MACROD2: variants seen among roughly 807,000 people sequenced by gnomAD.
The protein encoded by MACROD2 is mono-ADP ribosylhydrolase 2.
Under a neutral mutation model 70.4 loss-of-function variants are expected in MACROD2, and 36 were observed. That is an observed-to-expected ratio of 0.51 (90% confidence interval 0.39 to 0.68). MACROD2 has a LOEUF of 0.68. MACROD2 is among the 30% of genes least tolerant of loss of function. The pLI is 0.00. For missense variants in MACROD2, 496 were observed against 538.4 expected (o/e 0.92, Z 0.78); for synonymous variants, 172 against 178.8 (o/e 0.96, Z 0.30).
At position 15,772,051 on chromosome 20, in the gene MACROD2, C is replaced by G. The variant is rs541919860; in HGVS notation, c.646-90694C>G. Among the ~76,000 whole-genome samples, 5 of 140,784 alleles carry G rather than the reference C, an allele frequency of 3.6e-5. No individual in the cohort carries two copies. In the South Asian group the frequency reaches 9.2e-4, roughly 26 times the overall value. The allele number at this position is 140,784 out of a possible 152,430, so 92.4% of individuals were successfully genotyped here. On this transcript the variant is annotated intron_variant, in intron 8 of 17. Transcript: ENST00000684519. ...AGTGAGCCGAGATCGCGCCACTGCA[C>G]TCCAGCCTGAGCGACAAAGTGAGAC...
intron 5 of MACROD2, among the ~76,000 whole-genome samples, chr20:14,817,234 A>C (rs1329660668): frequency 1.3e-5 from 2 of 152,036 alleles, no homozygotes; most frequent in Non-Finnish European, 2.9e-5. Flanking sequence ...TTGAAACTGC[A>C]CTCTTTTTTG....
intron 7 of MACROD2, among the ~76,000 whole-genome samples, chr20:15,466,085 T>C (rs2046883957): frequency 6.6e-6 from 1 of 152,206 alleles, no homozygotes; most frequent in Non-Finnish European, 1.5e-5. Context: ...AAGGACATTA[T>C]GGAGTGAGGG....
intron 5 of MACROD2, among the ~76,000 whole-genome samples, chr20:15,212,175 C>T (rs2076769879): frequency 6.6e-6 from 1 of 152,112 alleles, no homozygotes; most frequent in Non-Finnish European, 1.5e-5. Context: ...TTTCTCAAAC[C>T]CTTCTTTGAC....
intron 8 of MACROD2, among the ~76,000 whole-genome samples, chr20:15,791,902 A>T (rs562457983): frequency 1.3e-5 from 2 of 152,198 alleles, no homozygotes; most frequent in South Asian, 4.1e-4. Context: ...ATCCAAATTT[A>T]TTTTTGTACT....
intron 8 of MACROD2, among the ~76,000 whole-genome samples, chr20:15,858,888 C>T (rs574311422): frequency 3.3e-5 from 5 of 152,272 alleles, no homozygotes; most frequent in African/African-American, 1.2e-4. Context: ...GGTGGAATTA[C>T]AGTTGACCCT....
At chr20:16,014,441 T>C (rs2147534577) in intron 15 of MACROD2, among the ~76,000 whole-genome samples, 1 of 152,344 alleles carries the variant, frequency 6.6e-6, no homozygotes, top group East Asian at 1.9e-4. Flanking sequence ...CTCCCAAGAT[T>C]GGAAGACCCA....
chr20:15,636,969 C>A (rs182967727), intron 8 of MACROD2, among the ~76,000 whole-genome samples: 8 of 152,284 alleles, frequency 5.3e-5, no homozygotes, highest in Admixed American at 2.6e-4. Context: ...TCCAGGAAGC[C>A]ACTTCACTGC....
At chr20:14,787,396 C>A (rs895235981) in intron 5 of MACROD2, among the ~76,000 whole-genome samples, 1 of 152,066 alleles carries the variant, frequency 6.6e-6, no homozygotes, top group Non-Finnish European at 1.5e-5. Context: ...AGCCTTTTTC[C>A]TCTGCCTGGG....
At chr20:15,566,778 C>T (rs1314473256) in intron 8 of MACROD2, among the ~76,000 whole-genome samples, 3 of 152,160 alleles carry the variant, frequency 2.0e-5, no homozygotes, top group Non-Finnish European at 4.4e-5. Flanking sequence ...TCTCAAAAGC[C>T]TCCCCTGTTT....
At chr20:15,562,586 T>C (rs886098097) in intron 8 of MACROD2, among the ~76,000 whole-genome samples, 1 of 152,204 alleles carries the variant, frequency 6.6e-6, no homozygotes, top group Non-Finnish European at 1.5e-5. Flanking sequence ...CACTTTACTT[T>C]CTGTACATAA....
At chr20:15,726,816 A>C (rs1328081660) in intron 8 of MACROD2, among the ~76,000 whole-genome samples, 2 of 152,110 alleles carry the variant, frequency 1.3e-5, no homozygotes, top group East Asian at 3.9e-4. Flanking sequence ...TTCCTTATAC[A>C]TTCTGGATGT....
chr20:14,777,314 G>A (rs777931637), intron 5 of MACROD2, among the ~76,000 whole-genome samples: 4 of 151,860 alleles, frequency 2.6e-5, no homozygotes, highest in Admixed American at 6.6e-5. Context: ...CCTGCATCAC[G>A]GTTATTTTTA....
chr20:15,302,307 G>T (rs774569881), intron 6 of MACROD2, among the ~76,000 whole-genome samples: 2 of 151,950 alleles, frequency 1.3e-5, no homozygotes, highest in Non-Finnish European at 2.9e-5. Context: ...GAATCAGACA[G>T]ATCTGAACAT....
At chr20:15,547,552 T>C (rs1325447076) in intron 8 of MACROD2, among the ~76,000 whole-genome samples, 2 of 152,210 alleles carry the variant, frequency 1.3e-5, no homozygotes, top group African/African-American at 4.8e-5. Flanking sequence ...ACCGCTCATA[T>C]TACCTTCCAT....
chr20:14,874,732 T>C (rs2073530259), intron 5 of MACROD2, among the ~76,000 whole-genome samples: 1 of 151,566 alleles, frequency 6.6e-6, no homozygotes, highest in Non-Finnish European at 1.5e-5. Context: ...TGAGACAGAG[T>C]CTCACTCTGT....
At chr20:15,544,070 G>C (rs114704653) in intron 8 of MACROD2, among the ~76,000 whole-genome samples, 2 of 152,306 alleles carry the variant, frequency 1.3e-5, no homozygotes, top group African/African-American at 4.8e-5. Flanking sequence ...TGAGGGAAAG[G>C]ATGTGGATAC....
intron 4 of MACROD2, among the ~76,000 whole-genome samples, chr20:14,591,934 G>C (rs1981799117): frequency 6.6e-6 from 1 of 152,136 alleles, no homozygotes; most frequent in Non-Finnish European, 1.5e-5. Context: ...TTCCAAGAAG[G>C]GAGAGTTTAG....
Position 14,243,919 on chromosome 20 carries a change from C to A in MACROD2, c.271+158191C>A, listed in dbSNP as rs532760126. ...GCAGTCAGTTCTATCACAGCATATG[C>A]TAGACAGGGCCAGGGCAAAAACTAC... is the stretch of plus-strand genomic sequence containing the variant. On this transcript the variant is annotated intron_variant, in intron 3 of 17. Transcript: ENST00000684519. Among the ~76,000 whole-genome samples, 12 of 152,264 alleles carry A rather than the reference C, an allele frequency of 7.9e-5. No homozygotes were observed. The South Asian group carries it at 2.5e-3, about 32-fold the overall frequency.
intron 3 of MACROD2, among the ~76,000 whole-genome samples, chr20:14,448,657 C>A (rs941477678): frequency 2.0e-5 from 3 of 151,158 alleles, no homozygotes; most frequent in Non-Finnish European, 4.4e-5. Context: ...AATAGATCGA[C>A]ACTCCCTCTC....
Sources: gnomAD v4.1 joint callset for allele counts (sites outside exome capture counted in the v4.1 genomes callset) on GRCh38, gnomAD v4.1.1 for gene constraint, MANE v1.5 for transcripts, NCBI Gene and HGNC (gene_info 2026-07-23, HGNC 2026-07-21) for gene names.